The following ATG10 variants were observed in gnomAD, a reference collection of about 807,000 sequenced individuals.
ATG10 encodes ubiquitin-like-conjugating enzyme ATG10.
Under a neutral mutation model 32.1 loss-of-function variants are expected in ATG10, and 30 were observed. The ratio of observed to expected loss-of-function variants is 0.94; its 90% CI spans 0.70 to 1.27. The LOEUF (loss-of-function observed/expected upper bound fraction) is 1.27, where lower values mean the gene tolerates loss of function less well. Ranked by LOEUF, ATG10 falls within the 50% of genes most tolerant of loss-of-function variation. The pLI, the probability that ATG10 is intolerant of heterozygous loss-of-function variation, is 0.00. For missense variants in ATG10, 233 were observed against 262.3 expected (o/e 0.89, Z 0.77); for synonymous variants, 87 against 91.5 (o/e 0.95, Z 0.28).
At chr5:82,236,045 CTT>C (rs370772699) in intron 5 of ATG10, among the ~76,000 whole-genome samples, 1 of 152,170 alleles carries the variant, frequency 6.6e-6, no homozygotes, top group African/African-American at 2.4e-5. Flanking sequence ...AGATGCTACT[CTT>C]GTTGTGTTAG....
chr5:82,056,760 C>T (rs1419922030), intron 2 of ATG10, among the ~76,000 whole-genome samples: 1 of 152,132 alleles, frequency 6.6e-6, no homozygotes, highest in Non-Finnish European at 1.5e-5. Context: ...CCTTCTCAAT[C>T]AGGAGAATTG....
At chr5:82,131,772 G>A (rs1766546750) in intron 3 of ATG10, among the ~76,000 whole-genome samples, 1 of 151,790 alleles carries the variant, frequency 6.6e-6, no homozygotes, top group Non-Finnish European at 1.5e-5. Flanking sequence ...TTTGTGCATT[G>A]CTATAAAGAA....
chr5:82,208,896 A>G (rs992711508), intron 5 of ATG10, among the ~76,000 whole-genome samples: 1 of 152,174 alleles, frequency 6.6e-6, no homozygotes, highest in Non-Finnish European at 1.5e-5. Flanking sequence ...GCTGGATTTC[A>G]TTTGCTAACA....
chr5:82,137,619 A>T (rs1422622343), intron 3 of ATG10, among the ~76,000 whole-genome samples: 1 of 152,200 alleles, frequency 6.6e-6, no homozygotes, highest in East Asian at 1.9e-4. Context: ...GTCAGATGCC[A>T]GCCAGAGCTC....
At position 82,242,558 on chromosome 5, in the gene ATG10, C is replaced by T. The variant is rs377011893; in HGVS notation, c.454-10004C>T. On this transcript the variant is annotated intron_variant, in intron 5 of 7. Coordinates refer to ENST00000282185, the MANE Select transcript of ATG10 (RefSeq NM_031482.5). Reference sequence around the variant, plus strand: ...CCAGTGAAAAATGAAAAGAAATCCACACCTATGCACATTACAATGAAATAG... The same window carrying T: ...CCAGTGAAAAATGAAAAGAAATCCATACCTATGCACATTACAATGAAATAG... 3.7e-4 allele frequency among the ~76,000 whole-genome samples: 57 copies of T among 152,020 alleles called. 1 individual carries two copies. Among genetic ancestry groups the T allele is most frequent in the African/African-American group, 1.3e-3 (55 of 41,418 alleles).
chr5:82,131,015 T>G (rs191553291), intron 3 of ATG10, among the ~76,000 whole-genome samples: 4 of 152,166 alleles, frequency 2.6e-5, no homozygotes, highest in African/African-American at 9.6e-5. Context: ...AATTTGGAGC[T>G]AAGCATCGAA....
In ATG10 at chr5:82,254,426, G is replaced by A. The variant is rs1465244589; in HGVS notation, c.*363G>A. 6.6e-6 allele frequency: 1 copy of A among 152,096 alleles called. No homozygotes were observed. Among genetic ancestry groups the A allele is most frequent in the Non-Finnish European group, 1.5e-5 (1 of 68,102 alleles). 9.4% of individuals were successfully genotyped at this position (152,096 alleles called of 1,614,324 possible). A position where few individuals can be genotyped will look rare whatever the true frequency, so the allele number is the denominator to read the frequency against. ...TACAAAAATTTGCCTGTTTATGGTGGTGTGTTCCTGTAGTCCCAGCTCCCC... is the reference window on the plus strand; with the variant it reads ...TACAAAAATTTGCCTGTTTATGGTGATGTGTTCCTGTAGTCCCAGCTCCCC... On this transcript the variant is annotated 3_prime_UTR_variant, in exon 8 of 8. Transcript: ENST00000282185.
intron 2 of ATG10, among the ~76,000 whole-genome samples, chr5:82,031,987 C>G (rs1056428952): frequency 1.3e-5 from 2 of 152,222 alleles, no homozygotes; most frequent in Non-Finnish European, 2.9e-5. Context: ...CCTACGCTGG[C>G]AGGGCTGGGC....
chr5:82,090,550 A>G (rs1250817425), intron 3 of ATG10, among the ~76,000 whole-genome samples: 2 of 152,228 alleles, frequency 1.3e-5, no homozygotes, highest in Non-Finnish European at 2.9e-5. Context: ...CATTTTTAAC[A>G]TTATAAAACA....
chr5:82,212,509 A>G (rs1170020802), intron 5 of ATG10, among the ~76,000 whole-genome samples: 7 of 152,250 alleles, frequency 4.6e-5, no homozygotes, highest in Admixed American at 4.6e-4. Context: ...AGTATCTTAA[A>G]TATTTGAAAA....
chr5:81,988,419 G>A (rs1038360212), intron 2 of ATG10, among the ~76,000 whole-genome samples: 11 of 152,116 alleles, frequency 7.2e-5, no homozygotes, highest in African/African-American at 2.4e-4. Flanking sequence ...GATTATAGGC[G>A]TGAGCCACCA....
intron 3 of ATG10, among the ~76,000 whole-genome samples, chr5:82,092,120 T>C (rs889057516): frequency 2.6e-5 from 4 of 152,330 alleles, no homozygotes; most frequent in Admixed American, 6.5e-5. Context: ...TGAACATTTT[T>C]CTTTTGGATT....
At chr5:82,034,145 T>G (rs1224093212) in intron 2 of ATG10, among the ~76,000 whole-genome samples, 2 of 151,846 alleles carry the variant, frequency 1.3e-5, no homozygotes, top group Non-Finnish European at 2.9e-5. Context: ...GGCTTTTGTA[T>G]CCAACAACCA....
At chr5:82,252,777 CAA>C in intron 6 of ATG10, 118 bp downstream of exon 6, 3 of 649,778 alleles carry the variant, frequency 4.6e-6, no homozygotes, top group Middle Eastern at 2.9e-4. Flanking sequence ...ATGGCTAACA[CAA>C]TGATTTTTAG....
chr5:82,227,350 C>T (rs1746171884), intron 5 of ATG10, among the ~76,000 whole-genome samples: 1 of 151,806 alleles, frequency 6.6e-6, no homozygotes, highest in Non-Finnish European at 1.5e-5. Flanking sequence ...CCAATTCACA[C>T]ACATATATAT....
intron 2 of ATG10, among the ~76,000 whole-genome samples, chr5:82,002,781 C>A (rs968993707): frequency 6.6e-6 from 1 of 152,132 alleles, no homozygotes; most frequent in Non-Finnish European, 1.5e-5. Context: ...TACACAGGTA[C>A]CCCTGAACCT....
At chr5:82,011,233 G>T (rs187134750) in intron 2 of ATG10, among the ~76,000 whole-genome samples, 1 of 151,662 alleles carries the variant, frequency 6.6e-6, no homozygotes, top group Non-Finnish European at 1.5e-5. Context: ...ACCAACCTCC[G>T]ACTCAGGCCA....
In ATG10 at chr5:82,105,152, G is replaced by C. The variant is rs998085787; in HGVS notation, c.216+46550G>C. Among the ~76,000 whole-genome samples the C allele has an allele frequency of 2.6e-5, 4 of 151,976 alleles. No homozygotes were observed. In the East Asian group the frequency reaches 7.8e-4, roughly 29 times the overall value. On this transcript the variant is annotated intron_variant, in intron 3 of 7. Transcript: ENST00000282185. ...TTGCTGTACTGGTATTGGTTAATAGGGTAAATTGATTACTGTAAGGAATGC... is the reference window on the plus strand; with the variant it reads ...TTGCTGTACTGGTATTGGTTAATAGCGTAAATTGATTACTGTAAGGAATGC...
At chr5:82,214,344 A>G (rs533515249) in intron 5 of ATG10, among the ~76,000 whole-genome samples, 2 of 152,326 alleles carry the variant, frequency 1.3e-5, no homozygotes, top group South Asian at 4.1e-4. Flanking sequence ...TGAAACTACA[A>G]CCAAAAAAAT....
Sources: gnomAD v4.1 joint callset for allele counts (sites outside exome capture counted in the v4.1 genomes callset) on GRCh38, gnomAD v4.1.1 for gene constraint, MANE v1.5 for transcripts, NCBI Gene and HGNC (gene_info 2026-07-23, HGNC 2026-07-21) for gene names.